SIGLEC10: variants seen among roughly 807,000 people sequenced by gnomAD.
The protein encoded by SIGLEC10 is sialic acid binding Ig like lectin 10.
In SIGLEC10, 45 loss-of-function variants were observed where a neutral mutation model predicts 68.3. That is an observed-to-expected ratio of 0.66 (90% CI 0.52 to 0.84). The LOEUF is 0.84. SIGLEC10 is among the 40% of genes least tolerant of loss of function. SIGLEC10 has a pLI of 0.00. For missense variants in SIGLEC10, 789 were observed against 883.1 expected (o/e 0.89, Z 1.35); for synonymous variants, 379 against 370.8 (o/e 1.02, Z -0.26).
rs763135249 is a variant in SIGLEC10 at position 51,417,265 on chromosome 19, G to A, written c.238C>T (p.Arg80Ter). Residue 80 changes from arginine to a stop codon, truncating the protein, a stop_gained, in exon 2 of 11, where the codon CGA (arginine) becomes TGA (stop). Transcript: ENST00000339313. LOFTEE classifies it high-confidence loss of function. ...GAPVATNHQS[R>*]EVEMSTRGRF... Reference sequence around the variant, plus strand: ...CCCCGGGTGCTCATTTCCACCTCTCGACTCTGGTGGTTTGTGGCCACAGGA... The same window carrying A: ...CCCCGGGTGCTCATTTCCACCTCTCAACTCTGGTGGTTTGTGGCCACAGGA... 50 of 1,614,066 alleles carry A rather than the reference G, an allele frequency of 3.1e-5. No homozygotes were observed. The highest frequency in any genetic ancestry group is 3.9e-5 in the Non-Finnish European group (46 of 1,180,036).
At chr19:51,413,944 T>C (rs1240820117) in intron 9 of SIGLEC10, 121 bp from the exon 10 acceptor site, 14 of 727,706 alleles carry the variant, frequency 1.9e-5, no homozygotes, top group Non-Finnish European at 2.6e-5. Flanking sequence ...ACCGTCATTA[T>C]GAGACTGAAA....
intron 10 of SIGLEC10, among the ~76,000 whole-genome samples, chr19:51,413,236 G>A (rs576471597): frequency 4.6e-5 from 7 of 152,224 alleles, no homozygotes; most frequent in East Asian, 1.9e-4. Flanking sequence ...GGAGGTGGCC[G>A]CTAGTATTGT....
rs1988343264 is a variant in SIGLEC10, at chr19:51,414,425, A to G, written c.1706T>C (p.Ile569Thr). The change falls in exon 9 of 11, where the codon ATC becomes ACC. Residue 569 changes from isoleucine (I) to threonine (T), a missense_variant. Physicochemically the swap from Ile to Thr is moderately conservative, Grantham distance 89. Transcript: ENST00000339313. The surrounding 1 kb of genome is among the most constrained non-coding windows in gnomAD (Gnocchi z 4.1). ...TALLFLCLALIIMKILPKRRT... is the reference protein window; with the variant it reads ...TALLFLCLALTIMKILPKRRT... The stretch of plus-strand genomic sequence containing the variant: ...GCCACGCCTCCTCTTAACCTACATG[A>G]TCAGGGCCAGGCAGAGGAAAAGAAG... 1.2e-6 allele frequency: 2 copies of G among 1,613,328 alleles called. No homozygotes were observed. The highest frequency in any genetic ancestry group is 1.7e-6 in the Non-Finnish European group (2 of 1,179,726).
Position 51,415,386 on chromosome 19 carries a change from G to C in SIGLEC10, c.1125C>G (p.Ser375Arg), listed in dbSNP as rs751830001. 1.0e-4 allele frequency: 161 copies of C among 1,610,732 alleles called. No homozygotes were observed. The highest frequency in any genetic ancestry group is 1.6e-4 in the Middle Eastern group (1 of 6,064). Residue 375 changes from serine (S) to arginine (R), a missense_variant, in exon 7 of 11, where the codon AGC (serine) becomes AGG (arginine). Physicochemically the swap from Ser to Arg is moderately radical, Grantham distance 110 (BLOSUM62 -1). Coordinates refer to ENST00000339313, the MANE Select transcript of SIGLEC10 (RefSeq NM_033130.5). ...GTSLPVLEGQ[S>R]LCLVCVTHSS... ...TGTGTGTGACACAGACCAGGCACAG[G>C]CTTTGGCCCTCCAGTACTGGGAGAG...
rs779261417 is a variant in SIGLEC10 at position 51,417,631 on chromosome 19, C to T, written c.-50G>A. On this transcript the variant is annotated 5_prime_UTR_variant, in exon 1 of 11. Coordinates refer to ENST00000339313, the MANE Select transcript of SIGLEC10 (RefSeq NM_033130.5). ...GCCTGAGACAGGCCTGTTCTCTGGTCGTGCTGTGAGTGGCTCAGGGCTCTT... is the reference window on the plus strand; with the variant it reads ...GCCTGAGACAGGCCTGTTCTCTGGTTGTGCTGTGAGTGGCTCAGGGCTCTT... 25 of 1,611,464 alleles carry T rather than the reference C, an allele frequency of 1.6e-5. No homozygotes were observed. The highest frequency in any genetic ancestry group is 1.8e-5 in the Non-Finnish European group (21 of 1,178,820).
chr19:51,416,771 T>TGAG lies in SIGLEC10; in HGVS notation c.598_600dup (p.Leu200dup). On this transcript the variant is annotated inframe_insertion, in exon 3 of 11. Transcript: ENST00000339313. Reference sequence around the variant, plus strand: ...TGGTCCTGGGGTCTGGGCGTGAAGCTGAGCACTGAGAAGTGGGAGGTCGTT... The same window carrying TGAG: ...TGGTCCTGGGGTCTGGGCGTGAAGCTGAGGAGCACTGAGAAGTGGGAGGTCGTT... 6.2e-7 allele frequency: 1 copy of TGAG among 1,614,216 alleles called. No homozygotes were observed.
intron 10 of SIGLEC10, among the ~76,000 whole-genome samples, chr19:51,412,392 A>C (rs573748432): frequency 1.3e-3 from 196 of 152,128 alleles, no homozygotes; most frequent in African/African-American, 4.3e-3. Context: ...AGAGGAGTGA[A>C]ATATGATTCT....
chr19:51,415,546 G>C, intron 6 of SIGLEC10, 22 bp downstream of exon 6: 1 of 1,613,948 alleles, frequency 6.2e-7, no homozygotes, highest in Non-Finnish European at 8.5e-7. Flanking sequence ...AGAGGCCTTG[G>C]CTCCTCTGTC....
rs145498414 is a variant in SIGLEC10 at position 51,415,941 on chromosome 19, G to A, written c.981C>T (p.Asn327=). The A allele has an allele frequency of 5.8e-5, 94 of 1,613,462 alleles. No homozygotes were observed. Among genetic ancestry groups the A allele is most frequent in the Non-Finnish European group, 7.8e-5 (92 of 1,180,038 alleles). ...DSGRYTCRAE[N]RLGSQQRALD... ...GGGCTCGCTGCTGGGAGCCAAGCCT[G>A]TTCTCCGCTCGGCAGGTGTAGCGCC... The change falls in exon 5 of 11, where the codon AAC becomes AAT. Residue 327 remains asparagine, a synonymous_variant. Coordinates refer to ENST00000339313, the MANE Select transcript of SIGLEC10 (RefSeq NM_033130.5).
At chr19:51,413,908 G>A in intron 9 of SIGLEC10, 85 bp from the exon 10 acceptor site, 2 of 1,010,568 alleles carry the variant, frequency 2.0e-6, no homozygotes, top group Non-Finnish European at 3.1e-6. Context: ...CCGTCACTAT[G>A]ACAGTTACTA....
Position 51,414,370 on chromosome 19 carries a change from C to G in SIGLEC10, c.1709+52G>C. Reference sequence around the variant, plus strand: ...TCACTCTTTCGGCCTGCAACACCTCCCCTCTTCCTGGGTCCAGGCCCCAGA... The same window carrying G: ...TCACTCTTTCGGCCTGCAACACCTCGCCTCTTCCTGGGTCCAGGCCCCAGA... On this transcript the variant is annotated intron_variant, in intron 9 of 10. Transcript: ENST00000339313. This position sits in a 1 kb window ranked among gnomAD's most constrained non-coding sequence, Gnocchi z 4.1. 1 of 1,498,372 alleles carries G rather than the reference C, an allele frequency of 6.7e-7. No homozygotes were observed. Among genetic ancestry groups the G allele is most frequent in the Non-Finnish European group, 9.2e-7 (1 of 1,083,514 alleles). The allele number at this position is 1,498,372 out of a possible 1,614,324, so 92.8% of individuals were successfully genotyped here.
rs763916091 is a variant in SIGLEC10, at chr19:51,411,148, C to T, written c.2045G>A (p.Arg682Gln). 1.9e-5 allele frequency: 31 copies of T among 1,614,040 alleles called. No homozygotes were observed. Among genetic ancestry groups the T allele is most frequent in the Middle Eastern group, 1.6e-4 (1 of 6,084 alleles). ...ATCCGCCTGGGTGCCCTTGGGCATC[C>T]GGGCCTCAGGCCTGGGTCTGACGCC... ...FPGVRPRPEA[R>Q]MPKGTQADYA... Residue 682 changes from arginine to glutamine, a missense_variant, in exon 11 of 11, where the codon CGG (arginine) becomes CAG (glutamine). By Grantham distance (43) the Arg-to-Gln change is conservative. Coordinates refer to ENST00000339313, the MANE Select transcript of SIGLEC10 (RefSeq NM_033130.5).
chr19:51,413,557 G>A (rs1988207489), intron 10 of SIGLEC10, among the ~76,000 whole-genome samples, 155 bp downstream of exon 10: 1 of 152,168 alleles, frequency 6.6e-6, no homozygotes, highest in Non-Finnish European at 1.5e-5. Context: ...ACGTGGCTGA[G>A]GTCTCATAGC....
intron 10 of SIGLEC10, among the ~76,000 whole-genome samples, chr19:51,412,609 T>C (rs765221316): frequency 6.6e-6 from 1 of 150,548 alleles, no homozygotes; most frequent in Non-Finnish European, 1.5e-5. Context: ...CGAGTAGCTG[T>C]GATTACAGGC....
chr19:51,414,394 G>T lies in SIGLEC10; in HGVS notation c.1709+28C>A. ...CCCCTCTTCCTGGGTCCAGGCCCCA[G>T]ACCCCGCCACGCCTCCTCTTAACCT... On this transcript the variant is annotated intron_variant, in intron 9 of 10. Coordinates refer to ENST00000339313, the MANE Select transcript of SIGLEC10 (RefSeq NM_033130.5). This position sits in a 1 kb window ranked among gnomAD's most constrained non-coding sequence, Gnocchi z 4.1. The T allele has an allele frequency of 6.3e-7, 1 of 1,597,502 alleles. No homozygotes were observed. The highest frequency in any genetic ancestry group is 1.3e-5 in the African/African-American group (1 of 74,730).
chr19:51,416,142 A>G lies in SIGLEC10; in HGVS notation c.780T>C (p.Asn260=), dbSNP rs200629862. ...TPALEPQPQG[N]VPYLEAQKGQ... is the part of the protein sequence containing the mutation. ...CTTTTTGGGCTTCCAGGTATGGGAC[A>G]TTTCCCTGGGGCTGGGGCTCCAGGG... The change falls in exon 5 of 11, where the codon AAT becomes AAC. Residue 260 remains asparagine (N), a synonymous_variant. Transcript: ENST00000339313. The G allele has an allele frequency of 7.2e-4, 1,162 of 1,608,358 alleles. 9 individuals are homozygous for G. Among genetic ancestry groups the G allele is most frequent in the South Asian group, 6.6e-3 (597 of 90,792 alleles).
At position 51,414,663 on chromosome 19, in the gene SIGLEC10, C is replaced by A; in HGVS notation, c.1616-148G>T. ...TACTTTTAGGAAACCCTGCCACACC[C>A]CGGCCCAGGTGTTAGGACTTCCCAT... On this transcript the variant is annotated intron_variant, in intron 8 of 10. Coordinates refer to ENST00000339313, the MANE Select transcript of SIGLEC10 (RefSeq NM_033130.5). This position sits in a 1 kb window ranked among gnomAD's most constrained non-coding sequence, Gnocchi z 4.1. 4 of 1,380,148 alleles carry A rather than the reference C, an allele frequency of 2.9e-6. No homozygotes were observed. The highest frequency in any genetic ancestry group is 4.1e-6 in the Non-Finnish European group (4 of 980,630). The allele number at this position is 1,380,148 out of a possible 1,614,324, so 85.5% of individuals were successfully genotyped here. A position where few individuals can be genotyped will look rare whatever the true frequency, so the allele number is the denominator to read the frequency against.
rs769054182 is a variant in SIGLEC10 at position 51,411,069 on chromosome 19, G to A, written c.*30C>T. ...TCTTACTCTACCTTCCTCCCTAGCC[G>A]AAGTCCCAGTCCTAAAGCCTAAGAG... On this transcript the variant is annotated 3_prime_UTR_variant, in exon 11 of 11. Coordinates refer to ENST00000339313, the MANE Select transcript of SIGLEC10 (RefSeq NM_033130.5). 4 of 1,596,302 alleles carry A rather than the reference G, an allele frequency of 2.5e-6. No individual in the cohort carries two copies. The highest frequency in any genetic ancestry group is 3.4e-6 in the Non-Finnish European group (4 of 1,169,810).
At chr19:51,416,258 C>T in intron 4 of SIGLEC10, 52 bp downstream of exon 4, 8 of 1,613,660 alleles carry the variant, frequency 5.0e-6, no homozygotes, top group African/African-American at 1.3e-5. Flanking sequence ...TCCCCTGAAG[C>T]CTTTTCATCT....
Sources: gnomAD v4.1 joint callset for allele counts (sites outside exome capture counted in the v4.1 genomes callset) on GRCh38, gnomAD v4.1.1 for gene constraint, Gnocchi (gnomAD v3.1) non-coding constraint, MANE v1.5 for transcripts, NCBI Gene and HGNC (gene_info 2026-07-23, HGNC 2026-07-21) for gene names.